The following CUX1 variants were observed in gnomAD, a reference collection of about 807,000 sequenced individuals.
The protein encoded by CUX1 is protein CASP.
Under a neutral mutation model 158.8 loss-of-function variants are expected in CUX1, and 31 were observed. The observed-to-expected ratio is 0.20, with a 90% CI of 0.15 to 0.26. The LOEUF (loss-of-function observed/expected upper bound fraction) is 0.26. Among genes scored for constraint, CUX1 ranks in the 10% least tolerant of loss-of-function variants. The pLI, the probability that CUX1 is intolerant of heterozygous loss-of-function variation, is 1.00. For synonymous variants in CUX1, 879 were observed against 862.1 expected, an observed-to-expected ratio of 1.02 and a Z score of -0.34; for missense variants, 1,589 against 2,014.6, an observed-to-expected ratio of 0.79 and a Z score of 4.04.
chr7:102,283,303 T>G, exon 23 of CUX1: 2 of 557,592 alleles, frequency 3.6e-6, no homozygotes, highest in Non-Finnish European at 3.3e-6. Context: ...GAGCCCCCAA[T>G]GCCCGGCCAG....
chr7:102,009,473 T>C (rs1225348043), intron 2 of CUX1, among the ~76,000 whole-genome samples: 1 of 152,198 alleles, frequency 6.6e-6, no homozygotes, highest in Non-Finnish European at 1.5e-5. Context: ...CAGTTTCTCT[T>C]TTAGAGGTGG....
At chr7:101,816,502 A>G (rs975131183), upstream of CUX1, among the ~76,000 whole-genome samples, 1,961 of 131,664 alleles carry the variant, frequency 0.015, 36 homozygotes, top group African/African-American at 0.051. Flanking sequence ...GCGAGCGGGG[A>G]GCGGGGAGCG....
intron 3 of CUX1, 87 bp downstream of exon 3, chr7:102,028,232 A>G (rs1820276765): frequency 1.4e-6 from 2 of 1,425,146 alleles, no homozygotes; most frequent in Non-Finnish European, 2.0e-6. Flanking sequence ...GCTCCGGGCA[A>G]AAGGTGCTGC....
chr7:101,962,595 G>A (rs2129177975), intron 2 of CUX1, among the ~76,000 whole-genome samples: 1 of 152,308 alleles, frequency 6.6e-6, no homozygotes. Flanking sequence ...CTGAAAGGAT[G>A]ATAGAAGCGA....
At chr7:102,277,717 G>A (rs1310039323) in intron 17 of CUX1, among the ~76,000 whole-genome samples, 4 of 152,052 alleles carry the variant, frequency 2.6e-5, no homozygotes, top group Non-Finnish European at 5.9e-5. Flanking sequence ...TACTTTTAAG[G>A]GCAAAAACCA....
chr7:102,175,501 C>T (rs571093739), intron 10 of CUX1, among the ~76,000 whole-genome samples: 10 of 152,214 alleles, frequency 6.6e-5, no homozygotes, highest in Non-Finnish European at 1.3e-4. Flanking sequence ...CCAGGGCTGC[C>T]ACCACATGTC....
chr7:102,275,001 G>A (rs1231014562), intron 16 of CUX1, among the ~76,000 whole-genome samples: 1 of 152,172 alleles, frequency 6.6e-6, no homozygotes, highest in Non-Finnish European at 1.5e-5. Flanking sequence ...AGACGGGGGT[G>A]CTGGGCCCTT....
intron 2 of CUX1, chr7:101,961,180 T>C (rs1585102718): frequency 6.6e-6 from 1 of 152,152 alleles, no homozygotes; most frequent in Non-Finnish European, 1.5e-5. Flanking sequence ...GATATAGATT[T>C]GGGAGCCACT....
chr7:102,032,180 C>T (rs1820867708), intron 3 of CUX1, among the ~76,000 whole-genome samples: 2 of 152,110 alleles, frequency 1.3e-5, no homozygotes, highest in East Asian at 3.9e-4. Context: ...CCGCCCGCCT[C>T]AGCCTCCCAG....
intron 2 of CUX1, among the ~76,000 whole-genome samples, chr7:102,019,875 T>A (rs1379530242): frequency 6.6e-6 from 1 of 152,246 alleles, no homozygotes; most frequent in African/African-American, 2.4e-5. Context: ...AAGATGTGCA[T>A]TTTATCCGAC....
At chr7:101,982,233 A>T (rs1282215365) in intron 2 of CUX1, among the ~76,000 whole-genome samples, 2 of 152,030 alleles carry the variant, frequency 1.3e-5, no homozygotes, top group Non-Finnish European at 2.9e-5. Context: ...GACATCTTCC[A>T]CTGTAAGTGA....
intron 1 of CUX1, among the ~76,000 whole-genome samples, chr7:101,870,336 G>T (rs1055618569): frequency 2.6e-5 from 4 of 151,398 alleles, no homozygotes; most frequent in African/African-American, 7.3e-5. Context: ...TTTGTATTTT[G>T]TTGTTGTTGT....
At chr7:102,141,526 TG>T (rs1554500298) in intron 8 of CUX1, among the ~76,000 whole-genome samples, 1 of 152,078 alleles carries the variant, frequency 6.6e-6, no homozygotes, top group African/African-American at 2.4e-5. Flanking sequence ...GGATTGGGCT[TG>T]GGGATGGGGA....
chr7:102,210,078 GGT>G (rs1796368500), intron 20 of CUX1, among the ~76,000 whole-genome samples: 1 of 151,706 alleles, frequency 6.6e-6, no homozygotes, highest in Admixed American at 6.6e-5. Flanking sequence ...TGTAGAAGTG[GGT>G]CTCTCTTTTT....
chr7:102,096,466 G>A (rs1291304519), intron 4 of CUX1, among the ~76,000 whole-genome samples: 1 of 152,188 alleles, frequency 6.6e-6, no homozygotes, highest in African/African-American at 2.4e-5. Flanking sequence ...GTAATCCTTT[G>A]GGAGGCTGAG....
At chr7:102,199,887 C>T (rs1554519186) in intron 16 of CUX1, among the ~76,000 whole-genome samples, 184 bp from the exon 17 acceptor site, 1 of 152,260 alleles carries the variant, frequency 6.6e-6, no homozygotes, top group African/African-American at 2.4e-5. Flanking sequence ...AGCAGGAAAT[C>T]CCTCCTGCCC....
At chr7:102,232,130 AG>A (rs1243810221) in intron 21 of CUX1, among the ~76,000 whole-genome samples, 6 of 151,000 alleles carry the variant, frequency 4.0e-5, no homozygotes, top group Non-Finnish European at 8.8e-5. Context: ...TTTATCTTTA[AG>A]TTTTTTGTTT....
At chr7:101,952,417 T>C (rs1466657471) in intron 2 of CUX1, among the ~76,000 whole-genome samples, 2 of 152,168 alleles carry the variant, frequency 1.3e-5, no homozygotes, top group African/African-American at 2.4e-5. Flanking sequence ...TTCTCGGGTC[T>C]ACTCCAGACC....
intron 7 of CUX1, among the ~76,000 whole-genome samples, chr7:102,113,332 G>A (rs1444761828): frequency 2.0e-5 from 3 of 151,956 alleles, no homozygotes; most frequent in Admixed American, 6.6e-5. Context: ...TCTGCTCCCC[G>A]GGTTCAAGTG....
Sources: gnomAD v4.1 joint callset for allele counts (sites outside exome capture counted in the v4.1 genomes callset) on GRCh38, gnomAD v4.1.1 for gene constraint, MANE v1.5 for transcripts, NCBI Gene and HGNC (gene_info 2026-07-23, HGNC 2026-07-21) for gene names.